NTM: variants seen among roughly 807,000 people sequenced by gnomAD.
NTM encodes IgLON family member 2.
In NTM, 13 loss-of-function variants were observed where a neutral mutation model predicts 42.1. That is an observed-to-expected ratio of 0.31 (90% CI 0.20 to 0.49). NTM has a LOEUF of 0.49. Among genes scored for constraint, NTM ranks in the 20% least tolerant of loss-of-function variants. NTM has a pLI of 0.99. For missense variants in NTM, 373 were observed against 452.8 expected, an observed-to-expected ratio of 0.82 and a Z score of 1.60; for synonymous variants, 187 against 179.2, an observed-to-expected ratio of 1.04 and a Z score of -0.35.
chr11:131,926,112 GAA>G (rs10712313), intron 2 of NTM, among the ~76,000 whole-genome samples: 3 of 151,710 alleles, frequency 2.0e-5, no homozygotes, highest in Non-Finnish European at 4.4e-5. Context: ...GTATGGATTA[GAA>G]AAAAAAGGCA....
intron 2 of NTM, among the ~76,000 whole-genome samples, chr11:131,940,983 C>T (rs1187912513): frequency 1.3e-5 from 2 of 152,286 alleles, no homozygotes; most frequent in South Asian, 4.2e-4. Context: ...AAGGTTTCCT[C>T]TTCGATGATT....
At position 131,410,517 on chromosome 11, in the gene NTM, CAAAAAA is replaced by C. The variant is rs1161389222; in HGVS notation, c.82+39650_82+39655del. On this transcript the variant is annotated intron_variant, in intron 1 of 8. Coordinates refer to ENST00000683400, the MANE Select transcript of NTM (RefSeq NM_001352005.2). ...CAGAAACAAACAAACAAACAATAAC[CAAAAAA>C]AAAAAAAAAAAAAAAAAAAACAGAG... Among the ~76,000 whole-genome samples the C allele has an allele frequency of 1.8e-4, 6 of 32,768 alleles. No individual in the cohort carries two copies. The South Asian group carries it at 8.6e-3, about 47-fold the overall frequency. 21.5% of individuals were successfully genotyped at this position (32,768 alleles called of 152,430 possible). A position where few individuals can be genotyped will look rare whatever the true frequency, so the allele number is the denominator to read the frequency against.
chr11:132,296,070 T>A (rs2094598144), intron 4 of NTM, among the ~76,000 whole-genome samples: 1 of 152,144 alleles, frequency 6.6e-6, no homozygotes, highest in African/African-American at 2.4e-5. Flanking sequence ...ACTTTTATCT[T>A]ACGAGAATGG....
At chr11:131,789,643 A>G (rs1202161660) in intron 1 of NTM, among the ~76,000 whole-genome samples, 6 of 124,430 alleles carry the variant, frequency 4.8e-5, no homozygotes, top group Non-Finnish European at 6.6e-5. Flanking sequence ...AGAAAAGAAG[A>G]AGAAGAAGAA....
intron 1 of NTM, among the ~76,000 whole-genome samples, chr11:131,652,872 G>A (rs2066679088): frequency 6.6e-6 from 1 of 152,230 alleles, no homozygotes; most frequent in African/African-American, 2.4e-5. Context: ...GTGGCCATGG[G>A]TGGCGGTCAC....
intron 1 of NTM, among the ~76,000 whole-genome samples, chr11:131,686,850 C>T (rs2073946336): frequency 6.6e-6 from 1 of 152,202 alleles, no homozygotes; most frequent in Admixed American, 6.5e-5. Flanking sequence ...CTAAGAAGCA[C>T]TTAGCTGTGG....
At chr11:132,239,600 T>C (rs964345042) in intron 4 of NTM, among the ~76,000 whole-genome samples, 1 of 152,222 alleles carries the variant, frequency 6.6e-6, no homozygotes, top group Non-Finnish European at 1.5e-5. Context: ...ATCTCAAGAA[T>C]AGCAGAACTT....
At chr11:131,627,851 C>T (rs1054238371) in intron 1 of NTM, among the ~76,000 whole-genome samples, 1 of 152,028 alleles carries the variant, frequency 6.6e-6, no homozygotes, top group Non-Finnish European at 1.5e-5. Context: ...TATATAAAGC[C>T]TCATCTTTCC....
chr11:131,411,488 A>G (rs1330222039), intron 1 of NTM, among the ~76,000 whole-genome samples: 1 of 151,944 alleles, frequency 6.6e-6, no homozygotes, highest in Non-Finnish European at 1.5e-5. Flanking sequence ...ATTTCACCAG[A>G]CAAGACTAAG....
chr11:131,477,923 A>G (rs552617704), intron 1 of NTM, among the ~76,000 whole-genome samples: 2 of 151,772 alleles, frequency 1.3e-5, no homozygotes, highest in African/African-American at 4.8e-5. Context: ...TCCTTAGGAC[A>G]GTGGAACCTG....
chr11:132,288,493 C>A (rs2094333595), intron 4 of NTM, among the ~76,000 whole-genome samples: 1 of 152,226 alleles, frequency 6.6e-6, no homozygotes, highest in African/African-American at 2.4e-5. Flanking sequence ...ATGCATACAT[C>A]AATTCATGTA....
chr11:132,163,575 G>T (rs1352377110), intron 3 of NTM, among the ~76,000 whole-genome samples: 1 of 152,316 alleles, frequency 6.6e-6, no homozygotes, highest in Admixed American at 6.5e-5. Context: ...CCCAAGGAAG[G>T]TTGCACATTG....
At chr11:131,523,794 A>AG (rs1371579164) in intron 1 of NTM, among the ~76,000 whole-genome samples, 1 of 151,474 alleles carries the variant, frequency 6.6e-6, no homozygotes, top group Admixed American at 6.6e-5. Flanking sequence ...AAAAAAAAAA[A>AG]AAAAAAAAAA....
intron 4 of NTM, among the ~76,000 whole-genome samples, chr11:132,263,203 C>A (rs1454975044): frequency 3.3e-5 from 5 of 152,210 alleles, no homozygotes; most frequent in Non-Finnish European, 7.3e-5. Flanking sequence ...GCAGCTCCAA[C>A]CCCAAGGCTG....
At chr11:131,669,500 A>G (rs563684233) in intron 1 of NTM, among the ~76,000 whole-genome samples, 83 of 152,138 alleles carry the variant, frequency 5.5e-4, no homozygotes, top group Non-Finnish European at 9.4e-4. Context: ...ATGCAGAGTG[A>G]AGGTTGTAGA....
At chr11:131,706,602 T>C (rs1010137751) in intron 1 of NTM, among the ~76,000 whole-genome samples, 4 of 151,998 alleles carry the variant, frequency 2.6e-5, no homozygotes, top group African/African-American at 9.7e-5. Flanking sequence ...AATCAAGTCT[T>C]AAACAACTTA....
intron 1 of NTM, among the ~76,000 whole-genome samples, chr11:131,623,476 C>T (rs937336389): frequency 1.3e-5 from 2 of 152,314 alleles, no homozygotes; most frequent in Admixed American, 1.3e-4. Flanking sequence ...CATTTTATAC[C>T]AAATCATGTT....
intron 1 of NTM, among the ~76,000 whole-genome samples, chr11:131,754,388 G>GC (rs2083030712): frequency 6.6e-6 from 1 of 152,136 alleles, no homozygotes; most frequent in South Asian, 2.1e-4. Flanking sequence ...ACTTTGGGAG[G>GC]CCAAGGCAGG....
chr11:131,675,137 G>A (rs1005132626), intron 1 of NTM, among the ~76,000 whole-genome samples: 3 of 152,174 alleles, frequency 2.0e-5, no homozygotes, highest in African/African-American at 7.2e-5. Flanking sequence ...TCTTGTATAA[G>A]ACGAAGAGAG....
Sources: allele counts gnomAD v4.1 joint callset (sites outside exome capture counted in the v4.1 genomes callset), GRCh38; gene constraint gnomAD v4.1.1; transcripts MANE v1.5; gene names NCBI Gene and HGNC (gene_info 2026-07-23, HGNC 2026-07-21).